The following DOCK4 variants were observed in gnomAD, a reference collection of about 807,000 sequenced individuals.
DOCK4 encodes the protein dedicator of cytokinesis 4.
Under a neutral mutation model 268.1 loss-of-function variants are expected in DOCK4, and 97 were observed. That is an observed-to-expected ratio of 0.36 (90% CI 0.31 to 0.43). The LOEUF is 0.43. Among genes scored for constraint, DOCK4 ranks in the 20% least tolerant of loss-of-function variants. The probability of loss-of-function intolerance (pLI) is 1.00; values close to 1 mark genes in which losing one functional copy is unlikely to be tolerated. For missense variants in DOCK4, 2,145 were observed against 2,455.7 expected, an observed-to-expected ratio of 0.87 and a Z score of 2.67; for synonymous variants, 954 against 887.2, an observed-to-expected ratio of 1.08 and a Z score of -1.34.
chr7:111,736,938 T>G lies in DOCK4; in HGVS notation c.5284A>C (p.Asn1762His). ...TTACCTTTTTCAGGTGCAGAGAGAT[T>G]TGGGTCACTGCGTGGCAAGGCCCCG... ...GDGALPRSDP[N>H]LSAPEKAVNP... The change falls in exon 50 of 53, where the codon AAT (asparagine) becomes CAT (histidine). Residue 1762 changes from asparagine (N) to histidine (H), a missense_variant. Transcript: ENST00000428084. 1 of 1,604,204 alleles carries G rather than the reference T, an allele frequency of 6.2e-7. No homozygotes were observed.
At chr7:111,733,718 G>C (rs1795273507) in intron 51 of DOCK4, among the ~76,000 whole-genome samples, 2 of 152,154 alleles carry the variant, frequency 1.3e-5, no homozygotes, top group Admixed American at 6.5e-5. Context: ...ACACAACCAG[G>C]TTTAAATTGG....
At chr7:112,197,520 T>C (rs527245829) in intron 1 of DOCK4, among the ~76,000 whole-genome samples, 4 of 152,122 alleles carry the variant, frequency 2.6e-5, no homozygotes, top group Non-Finnish European at 5.9e-5. Context: ...GTCACAGACA[T>C]AGAAATAACT....
At chr7:112,117,764 T>C (rs534912783) in intron 1 of DOCK4, among the ~76,000 whole-genome samples, 3 of 152,338 alleles carry the variant, frequency 2.0e-5, no homozygotes, top group South Asian at 2.1e-4. Context: ...TGTTATTGTA[T>C]GGCATGGTGA....
chr7:111,933,115 T>A (rs543718190), intron 12 of DOCK4, among the ~76,000 whole-genome samples: 1 of 139,318 alleles, frequency 7.2e-6, no homozygotes, highest in East Asian at 2.1e-4. Flanking sequence ...TATACGTATA[T>A]ACACATATAT....
intron 12 of DOCK4, 84 bp downstream of exon 12, chr7:111,935,456 G>C: frequency 1.7e-6 from 2 of 1,205,680 alleles, no homozygotes; most frequent in Non-Finnish European, 2.5e-6. Flanking sequence ...ACAAAGGGCT[G>C]ATAATTTCCT....
intron 25 of DOCK4, among the ~76,000 whole-genome samples, chr7:111,839,585 A>T (rs1337532072): frequency 6.6e-6 from 1 of 152,216 alleles, no homozygotes; most frequent in African/African-American, 2.4e-5. Flanking sequence ...TGATTTTGTC[A>T]TATCTGACTT....
At chr7:111,916,779 TAATTTTTAAGATAGCCA>T (rs1792622197) in intron 12 of DOCK4, among the ~76,000 whole-genome samples, 1 of 152,126 alleles carries the variant, frequency 6.6e-6, no homozygotes, top group Non-Finnish European at 1.5e-5. Context: ...TCTTATGTTT[TAATTTTTAAGATAGCCA>T]AATTATTATA....
At chr7:111,881,330 C>T (rs568967795) in intron 16 of DOCK4, among the ~76,000 whole-genome samples, 2 of 152,208 alleles carry the variant, frequency 1.3e-5, no homozygotes, top group African/African-American at 4.8e-5. Context: ...AGGTGCTCAA[C>T]ATCACTGATC....
chr7:111,945,177 GTTTTGTT>G (rs757680585), intron 9 of DOCK4, among the ~76,000 whole-genome samples: 22 of 152,102 alleles, frequency 1.4e-4, no homozygotes, highest in South Asian at 6.2e-4. Flanking sequence ...GCAATCACTG[GTTTTGTT>G]TTTTGTTTTT....
chr7:112,196,022 T>A (rs991645627), intron 1 of DOCK4, among the ~76,000 whole-genome samples: 4 of 152,202 alleles, frequency 2.6e-5, no homozygotes, highest in African/African-American at 9.6e-5. Context: ...CTCTCCCGTT[T>A]TCTTGAGAAA....
chr7:112,204,722 T>C (rs984153811), intron 1 of DOCK4, among the ~76,000 whole-genome samples: 2 of 151,870 alleles, frequency 1.3e-5, no homozygotes, highest in Non-Finnish European at 2.9e-5. Flanking sequence ...CCCAAAGTCC[T>C]ATCCCCAGGC....
intron 22 of DOCK4, among the ~76,000 whole-genome samples, chr7:111,867,733 G>A (rs1324213900): frequency 2.6e-5 from 4 of 152,122 alleles, no homozygotes; most frequent in African/African-American, 7.2e-5. Flanking sequence ...TCTGGTAACC[G>A]GAAATGAAGC....
At chr7:111,934,523 G>GTTTTTGTTTTTTTTTTTTTTTTTTTTTT (rs1562907282) in intron 12 of DOCK4, among the ~76,000 whole-genome samples, 3 of 83,874 alleles carry the variant, frequency 3.6e-5, no homozygotes, top group African/African-American at 1.2e-4. Context: ...TTTTGTTTTT[G>GTTTTTGTTTTTTTTTTTTTTTTTTTTTT]TTTTTTTTTT....
chr7:111,958,422 A>G (rs1269223967), intron 8 of DOCK4, among the ~76,000 whole-genome samples: 1 of 152,226 alleles, frequency 6.6e-6, no homozygotes, highest in Admixed American at 6.5e-5. Flanking sequence ...TAGGAAAACT[A>G]AATAATTCTG....
intron 8 of DOCK4, among the ~76,000 whole-genome samples, chr7:111,974,492 A>ATG (rs59409689): frequency 0.19 from 15,957 of 84,100 alleles, 2,094 homozygotes; most frequent in Non-Finnish European, 0.26. Context: ...TTGAAGAGGG[A>ATG]TGTGTGTGTG....
rs867801466 is a variant in DOCK4 at position 112,066,696 on chromosome 7, T to C, written c.38-62565A>G. Among the ~76,000 whole-genome samples, 63 of 20,794 alleles carry C rather than the reference T, an allele frequency of 3.0e-3. 1 individual carries two copies. Among genetic ancestry groups the C allele is most frequent in the South Asian group, 3.9e-3 (3 of 768 alleles). 13.6% of individuals were successfully genotyped at this position (20,794 alleles called of 152,430 possible). Reference sequence around the variant, plus strand: ...ATATACATATATACATATACATATATATATATATATATATATATATATATA... The same window carrying C: ...ATATACATATATACATATACATATACATATATATATATATATATATATATA... On this transcript the variant is annotated intron_variant, in intron 1 of 52. Coordinates refer to ENST00000428084, the MANE Select transcript of DOCK4 (RefSeq NM_001363540.2).
intron 1 of DOCK4, among the ~76,000 whole-genome samples, chr7:112,151,888 G>C (rs10269608): frequency 0.089 from 13,475 of 151,144 alleles, 2,025 homozygotes; most frequent in African/African-American, 0.31. Flanking sequence ...ATTCAGAAGA[G>C]GGAAAGGAAG....
intron 12 of DOCK4, among the ~76,000 whole-genome samples, chr7:111,926,124 G>GAGAA (rs1554375842): frequency 5.8e-4 from 59 of 102,266 alleles, no homozygotes; most frequent in African/African-American, 1.8e-3. Flanking sequence ...AAGAGAAAAA[G>GAGAA]AAAGAAAGAA....
chr7:112,044,010 A>G lies in DOCK4; in HGVS notation c.38-39879T>C, dbSNP rs1020194777. On this transcript the variant is annotated intron_variant, in intron 1 of 52. Transcript: ENST00000428084. ...GATAGCACTTAACATAGTGACTTAAATGCTTTACTTATGTCCTGTCAATTA... is the reference window on the plus strand; with the variant it reads ...GATAGCACTTAACATAGTGACTTAAGTGCTTTACTTATGTCCTGTCAATTA... 6.5e-4 allele frequency among the ~76,000 whole-genome samples: 99 copies of G among 152,260 alleles called. 1 individual carries two copies. The highest frequency in any genetic ancestry group is 2.3e-3 in the African/African-American group (94 of 41,566).
Sources: gnomAD v4.1 joint callset for allele counts (sites outside exome capture counted in the v4.1 genomes callset) on GRCh38, gnomAD v4.1.1 for gene constraint, MANE v1.5 for transcripts, NCBI Gene and HGNC (gene_info 2026-07-23, HGNC 2026-07-21) for gene names.